SETBP1: variants seen among roughly 807,000 people sequenced by gnomAD.
The protein encoded by SETBP1 is SET binding protein 1, also known as SET-binding protein.
Under a neutral mutation model 101.0 loss-of-function variants are expected in SETBP1, and 9 were observed. The observed-to-expected ratio is 0.09, with a 90% CI of 0.05 to 0.16. The LOEUF is 0.16. Among genes scored for constraint, SETBP1 ranks in the 10% least tolerant of loss-of-function variants. The pLI, the probability that SETBP1 is intolerant of heterozygous loss-of-function variation, is 1.00. For missense variants in SETBP1, 1,858 were observed against 2,033.8 expected (o/e 0.91, Z 1.66); for synonymous variants, 818 against 788.5 (o/e 1.04, Z -0.63).
At chr18:44,833,892 T>C (rs1325188345) in intron 2 of SETBP1, among the ~76,000 whole-genome samples, 1 of 152,270 alleles carries the variant, frequency 6.6e-6, no homozygotes, top group Non-Finnish European at 1.5e-5. Context: ...AACAAATACC[T>C]GGTTTTGGGT....
At chr18:45,033,952 G>A (rs2073346524) in intron 4 of SETBP1, among the ~76,000 whole-genome samples, 1 of 152,062 alleles carries the variant, frequency 6.6e-6, no homozygotes, top group African/African-American at 2.4e-5. Context: ...AAAGATTTTT[G>A]TTTGTTTTTC....
intron 2 of SETBP1, among the ~76,000 whole-genome samples, chr18:44,712,137 G>A (rs970148690): frequency 1.3e-5 from 2 of 152,268 alleles, no homozygotes; most frequent in African/African-American, 4.8e-5. Context: ...TCAAATGCAG[G>A]TTGCTTTGGT....
chr18:44,683,859 T>C (rs1473637675), intron 1 of SETBP1, among the ~76,000 whole-genome samples: 2 of 152,256 alleles, frequency 1.3e-5, no homozygotes, highest in Non-Finnish European at 2.9e-5. Context: ...GCTGATGGCA[T>C]TTCAAGTTGC....
At position 44,799,068 on chromosome 18, in the gene SETBP1, C is replaced by A. The variant is rs146936373; in HGVS notation, c.487-70162C>A. On this transcript the variant is annotated intron_variant, in intron 2 of 5. Transcript: ENST00000649279. ...TATATTAATTAGCCATTGTGGTGGG[C>A]ACTGTGGACGAGATCTGGCCTACAA... is the stretch of plus-strand genomic sequence containing the variant. Among the ~76,000 whole-genome samples the A allele has an allele frequency of 5.7e-3, 862 of 152,250 alleles. 10 individuals carry two copies. Among genetic ancestry groups the A allele is most frequent in the African/African-American group, 0.02 (815 of 41,542 alleles).
chr18:44,861,725 G>A (rs1568186375), intron 2 of SETBP1, among the ~76,000 whole-genome samples: 1 of 152,132 alleles, frequency 6.6e-6, no homozygotes, highest in Non-Finnish European at 1.5e-5. Context: ...TGACTGAAAT[G>A]ATTAATAAAT....
intron 4 of SETBP1, among the ~76,000 whole-genome samples, chr18:44,964,000 G>A (rs1314805283): frequency 6.7e-6 from 1 of 149,276 alleles, no homozygotes; most frequent in Non-Finnish European, 1.5e-5. Flanking sequence ...ACAAAAGAGA[G>A]ATCCATGAGT....
intron 2 of SETBP1, among the ~76,000 whole-genome samples, chr18:44,802,038 C>T (rs2144780075): frequency 6.6e-6 from 1 of 152,164 alleles, no homozygotes; most frequent in African/African-American, 2.4e-5. Flanking sequence ...AATTTCTCAC[C>T]CCACCTGGCA....
chr18:44,847,045 A>G (rs940398197), intron 2 of SETBP1, among the ~76,000 whole-genome samples: 2 of 152,342 alleles, frequency 1.3e-5, no homozygotes, highest in African/African-American at 4.8e-5. Flanking sequence ...GGCCTCCTGA[A>G]TGCACCAGGA....
chr18:44,823,006 C>A (rs1257979026), intron 2 of SETBP1, among the ~76,000 whole-genome samples: 1 of 152,140 alleles, frequency 6.6e-6, no homozygotes, highest in Non-Finnish European at 1.5e-5. Flanking sequence ...TGGTGTTAGC[C>A]TGTAATCCCA....
intron 4 of SETBP1, among the ~76,000 whole-genome samples, chr18:44,973,090 T>A (rs974109763): frequency 6.6e-6 from 1 of 152,100 alleles, no homozygotes; most frequent in Non-Finnish European, 1.5e-5. Flanking sequence ...GCATAAAGGG[T>A]AGTTGAATTT....
At chr18:44,873,220 C>G (rs578216353) in intron 3 of SETBP1, among the ~76,000 whole-genome samples, 2 of 152,258 alleles carry the variant, frequency 1.3e-5, no homozygotes, top group Admixed American at 1.3e-4. Context: ...ATACACAGAC[C>G]CTTCCCCAGA....
At chr18:44,766,514 A>T (rs1308213249) in intron 2 of SETBP1, among the ~76,000 whole-genome samples, 1 of 152,204 alleles carries the variant, frequency 6.6e-6, no homozygotes, top group African/African-American at 2.4e-5. Context: ...GACAGAATAG[A>T]ATAGTGGTTT....
chr18:44,761,236 ATACAT>A (rs1278094419), intron 2 of SETBP1, among the ~76,000 whole-genome samples: 1 of 152,228 alleles, frequency 6.6e-6, no homozygotes, highest in Non-Finnish European at 1.5e-5. Flanking sequence ...TAATTACCAT[ATACAT>A]TACATTAAAC....
chr18:44,937,735 C>T (rs1213483864), intron 3 of SETBP1, among the ~76,000 whole-genome samples: 2 of 152,134 alleles, frequency 1.3e-5, no homozygotes, highest in African/African-American at 2.4e-5. Flanking sequence ...ACGCTTGCAG[C>T]CCCATCTCAG....
chr18:44,788,936 G>T (rs1042954161), intron 2 of SETBP1, among the ~76,000 whole-genome samples: 2 of 151,142 alleles, frequency 1.3e-5, no homozygotes, highest in African/African-American at 4.9e-5. Context: ...TAGCTTAGCC[G>T]GGACTACAGG....
intron 4 of SETBP1, among the ~76,000 whole-genome samples, chr18:45,015,352 T>A (rs906154208): frequency 2.0e-5 from 3 of 152,198 alleles, no homozygotes; most frequent in African/African-American, 7.2e-5. Flanking sequence ...CTCTGCCAGA[T>A]CTATGGATTG....
chr18:44,955,383 G>T (rs370913651), intron 4 of SETBP1, among the ~76,000 whole-genome samples: 1 of 152,264 alleles, frequency 6.6e-6, no homozygotes, highest in East Asian at 1.9e-4. Context: ...CGAAGAACTG[G>T]ATACAAGGCC....
intron 2 of SETBP1, among the ~76,000 whole-genome samples, chr18:44,863,528 G>T (rs2069061489): frequency 6.6e-6 from 1 of 152,138 alleles, no homozygotes; most frequent in South Asian, 2.1e-4. Context: ...GGTTGTGGTG[G>T]GCCTGAGTTC....
intron 4 of SETBP1, among the ~76,000 whole-genome samples, chr18:45,009,532 A>T (rs2072796008): frequency 6.6e-6 from 1 of 151,838 alleles, no homozygotes. Context: ...GTCATCATTC[A>T]GTCTGATTCA....
Sources: gnomAD v4.1 joint callset for allele counts (sites outside exome capture counted in the v4.1 genomes callset) on GRCh38, gnomAD v4.1.1 for gene constraint, MANE v1.5 for transcripts, NCBI Gene and HGNC (gene_info 2026-07-23, HGNC 2026-07-21) for gene names.